The following CDH18 variants were observed in gnomAD, a reference collection of about 807,000 sequenced individuals.
CDH18 encodes cadherin-18.
A neutral mutation model predicts 67.9 loss-of-function variants in CDH18; 31 were observed. The ratio of observed to expected loss-of-function variants is 0.46; its 90% CI spans 0.34 to 0.62. The LOEUF (loss-of-function observed/expected upper bound fraction) is 0.62. CDH18 is among the 20% of genes least tolerant of loss of function. The pLI, the probability that CDH18 is intolerant of heterozygous loss-of-function variation, is 0.01. For missense variants in CDH18, 890 were observed against 975.5 expected (o/e 0.91, Z 1.17); for synonymous variants, 362 against 347.2 (o/e 1.04, Z -0.48).
intron 5 of CDH18, among the ~76,000 whole-genome samples, chr5:19,685,965 A>T (rs976195357): frequency 1.3e-5 from 2 of 152,138 alleles, no homozygotes; most frequent in African/African-American, 4.8e-5. Flanking sequence ...AGAATGGGAA[A>T]TTTTACATGT....
At chr5:20,249,584 G>A (rs1281244403) in intron 2 of CDH18, among the ~76,000 whole-genome samples, 2 of 151,626 alleles carry the variant, frequency 1.3e-5, no homozygotes, top group Non-Finnish European at 2.9e-5. Flanking sequence ...GGGTTTCACC[G>A]TGGTCTCGAT....
chr5:19,494,024 A>G (rs1741892743), intron 11 of CDH18, among the ~76,000 whole-genome samples: 1 of 152,142 alleles, frequency 6.6e-6, no homozygotes, highest in Admixed American at 6.5e-5. Flanking sequence ...AATATCACTA[A>G]AAGAAGATCA....
intron 2 of CDH18, among the ~76,000 whole-genome samples, chr5:20,054,078 G>A (rs893651474): frequency 1.3e-5 from 2 of 152,040 alleles, no homozygotes; most frequent in Non-Finnish European, 2.9e-5. Context: ...ATTAGGGGCT[G>A]TTTTTCTAGA....
chr5:19,547,764 G>T (rs552597531), intron 8 of CDH18, among the ~76,000 whole-genome samples: 28 of 152,236 alleles, frequency 1.8e-4, no homozygotes, highest in African/African-American at 6.7e-4. Flanking sequence ...GCTCTCTAGG[G>T]AAATCAACAT....
chr5:19,957,658 G>A (rs1796384156), intron 2 of CDH18, among the ~76,000 whole-genome samples: 2 of 151,770 alleles, frequency 1.3e-5, no homozygotes, highest in Admixed American at 1.3e-4. Context: ...TCTAGTATTT[G>A]GTTTTGAGCT....
Position 20,336,498 on chromosome 5 carries a change from G to A in CDH18, c.-579-80993C>T, listed in dbSNP as rs570007883. On this transcript the variant is annotated intron_variant, in intron 1 of 14. Coordinates refer to the CDH18 transcript ENST00000507958. ...AGCACTTTGGGAGGCCAAGGCGGGC[G>A]GATCACGAGGCCAAGAGATCAAGAC... 1.2e-4 allele frequency among the ~76,000 whole-genome samples: 18 copies of A among 152,018 alleles called. No homozygotes were observed. The South Asian group carries it at 1.5e-3, about 12-fold the overall frequency.
At chr5:20,008,429 A>G (rs1737115018) in intron 2 of CDH18, among the ~76,000 whole-genome samples, 1 of 152,140 alleles carries the variant, frequency 6.6e-6, no homozygotes, top group African/African-American at 2.4e-5. Context: ...GTGAAAAATT[A>G]TGAGAGCTGG....
chr5:20,241,463 T>C (rs1413508427), intron 2 of CDH18, among the ~76,000 whole-genome samples: 1 of 152,110 alleles, frequency 6.6e-6, no homozygotes, highest in East Asian at 1.9e-4. Context: ...GACTTAGGGA[T>C]GATGTTGCAG....
chr5:19,870,620 T>G (rs149274847), intron 2 of CDH18, among the ~76,000 whole-genome samples: 1 of 152,286 alleles, frequency 6.6e-6, no homozygotes, highest in East Asian at 1.9e-4. Context: ...GTTTATGTTT[T>G]CTTGTGCTAG....
chr5:19,519,699 T>C (rs1173135546), intron 10 of CDH18, among the ~76,000 whole-genome samples: 1 of 152,174 alleles, frequency 6.6e-6, no homozygotes, highest in Non-Finnish European at 1.5e-5. Flanking sequence ...GCTCCTCTTA[T>C]TTGCTTGATG....
chr5:19,684,169 T>C (rs932408426), intron 5 of CDH18, among the ~76,000 whole-genome samples: 5 of 152,138 alleles, frequency 3.3e-5, no homozygotes, highest in African/African-American at 9.6e-5. Context: ...CAAAAAATCA[T>C]AGACAAATGT....
chr5:19,634,953 G>GAAAAA (rs1752932980), intron 5 of CDH18, among the ~76,000 whole-genome samples: 1 of 142,038 alleles, frequency 7.0e-6, no homozygotes, highest in Admixed American at 7.0e-5. Flanking sequence ...AAAAAAAAAA[G>GAAAAA]AAAGAAAAAA....
Position 19,787,359 on chromosome 5 carries a change from G to A in CDH18, c.229-40123C>T, listed in dbSNP as rs549847687. On this transcript the variant is annotated intron_variant, in intron 3 of 12. Transcript: ENST00000382275. Reference sequence around the variant, plus strand: ...CCCAGCTACTAGGGAGGCTGAGGCAGGAGAATCGCTTGAACCTGGGAGGCA... The same window carrying A: ...CCCAGCTACTAGGGAGGCTGAGGCAAGAGAATCGCTTGAACCTGGGAGGCA... Among the ~76,000 whole-genome samples, 5 of 151,996 alleles carry A rather than the reference G, an allele frequency of 3.3e-5. No homozygotes were observed. The South Asian group carries it at 6.2e-4, about 19-fold the overall frequency.
intron 1 of CDH18, among the ~76,000 whole-genome samples, chr5:20,325,321 G>A (rs965215122): frequency 5.7e-4 from 87 of 152,220 alleles, no homozygotes; most frequent in African/African-American, 2.1e-3. Context: ...ACAATAACTT[G>A]CTTAGGTATC....
intron 1 of CDH18, among the ~76,000 whole-genome samples, chr5:20,540,555 T>C (rs36063283): frequency 2.6e-5 from 4 of 152,200 alleles, no homozygotes; most frequent in Non-Finnish European, 4.4e-5. Flanking sequence ...GATACCATTT[T>C]GAAGTGATAT....
At chr5:19,898,737 G>C (rs774389772) in intron 2 of CDH18, among the ~76,000 whole-genome samples, 2 of 152,050 alleles carry the variant, frequency 1.3e-5, no homozygotes, top group Non-Finnish European at 2.9e-5. Flanking sequence ...TCATGACATT[G>C]GGCTTGGCAG....
intron 3 of CDH18, among the ~76,000 whole-genome samples, chr5:19,755,412 G>A (rs1771406782): frequency 1.1e-5 from 1 of 94,132 alleles, no homozygotes; most frequent in Non-Finnish European, 2.3e-5. Flanking sequence ...TCTCTAGAGG[G>A]ACAGAACTAA....
chr5:20,316,081 G>A (rs897932641), intron 1 of CDH18, among the ~76,000 whole-genome samples: 4 of 152,096 alleles, frequency 2.6e-5, no homozygotes, highest in African/African-American at 9.7e-5. Flanking sequence ...AGCAGTGTGA[G>A]CTTTGGCAAG....
At chr5:20,209,563 T>C (rs1258086273) in intron 2 of CDH18, among the ~76,000 whole-genome samples, 4 of 151,528 alleles carry the variant, frequency 2.6e-5, no homozygotes, top group Admixed American at 1.3e-4. Flanking sequence ...ATATAATCAG[T>C]TGTTAGGTTA....
Sources: allele counts gnomAD v4.1 joint callset (sites outside exome capture counted in the v4.1 genomes callset), GRCh38; gene constraint gnomAD v4.1.1; transcripts MANE v1.5; gene names NCBI Gene and HGNC (gene_info 2026-07-23, HGNC 2026-07-21).